DLC1: variants seen among roughly 807,000 people sequenced by gnomAD.
The protein encoded by DLC1 is DLC1 Rho GTPase activating protein.
A neutral mutation model predicts 140.3 loss-of-function variants in DLC1; 54 were observed. The observed-to-expected ratio is 0.38, with a 90% CI of 0.31 to 0.48. The LOEUF (loss-of-function observed/expected upper bound fraction) is 0.48. Ranked by LOEUF, DLC1 falls within the 20% of genes least tolerant of loss-of-function variation. The pLI is 0.96. For synonymous variants in DLC1, 986 were observed against 728.1 expected (o/e 1.35, Z -5.70); for missense variants, 2,536 against 1,907.0 (o/e 1.33, Z -6.14).
intron 1 of DLC1, among the ~76,000 whole-genome samples, chr8:13,548,545 A>G (rs1267469185): frequency 6.6e-6 from 1 of 152,038 alleles, no homozygotes; most frequent in Non-Finnish European, 1.5e-5. Flanking sequence ...CTATGGTTTG[A>G]ATGTCTGAAA....
chr8:13,288,345 A>C (rs181264352), intron 5 of DLC1, among the ~76,000 whole-genome samples: 93 of 152,340 alleles, frequency 6.1e-4, no homozygotes, highest in African/African-American at 1.9e-3. Flanking sequence ...CCTTGTAAAA[A>C]TTATAATCAC....
Position 13,085,846 on chromosome 8 carries a change from G to C in DLC1, c.4552C>G (p.Gln1518Glu), listed in dbSNP as rs1040580459. ...TTGGTGTCTTTGGTTTCAGTGTTCT[G>C]GTTACTGAAGGAATCCCGGATCTTT... ...VVKIRDSFSN[Q>E]NTETKDTKSR Residue 1518 changes from glutamine (Q) to glutamate (E), a missense_variant, in exon 18 of 18, where the codon CAG becomes GAG. Gln to Glu is a conservative substitution (Grantham distance 29, BLOSUM62 2). Transcript: ENST00000276297. 1.2e-5 allele frequency: 20 copies of C among 1,614,000 alleles called. No homozygotes were observed. The highest frequency in any genetic ancestry group is 1.7e-5 in the Non-Finnish European group (20 of 1,180,018).
At chr8:13,284,580 T>C (rs1831476677) in intron 5 of DLC1, among the ~76,000 whole-genome samples, 1 of 147,004 alleles carries the variant, frequency 6.8e-6, no homozygotes, top group Admixed American at 6.7e-5. Context: ...AGCCCTGAAA[T>C]TAAAAACCAA....
At chr8:13,554,646 C>T (rs571718257) in intron 1 of DLC1, among the ~76,000 whole-genome samples, 1 of 152,196 alleles carries the variant, frequency 6.6e-6, no homozygotes, top group East Asian at 1.9e-4. Flanking sequence ...ATCTTTCACC[C>T]TGAAACTTCA....
At chr8:13,187,570 T>C (rs1426352355) in intron 5 of DLC1, among the ~76,000 whole-genome samples, 3 of 152,114 alleles carry the variant, frequency 2.0e-5, no homozygotes, top group African/African-American at 7.2e-5. Flanking sequence ...CTATTGATGA[T>C]ATAGAGGAGA....
chr8:13,365,974 C>T (rs778957025), intron 4 of DLC1, among the ~76,000 whole-genome samples: 3 of 152,156 alleles, frequency 2.0e-5, no homozygotes, highest in African/African-American at 7.2e-5. Flanking sequence ...ATGTACCAGC[C>T]AGAAGGTTTA....
At chr8:13,473,356 C>T (rs894687170) in intron 2 of DLC1, among the ~76,000 whole-genome samples, 5 of 152,154 alleles carry the variant, frequency 3.3e-5, no homozygotes, top group Non-Finnish European at 5.9e-5. Context: ...GAATAAGTCT[C>T]ACGAGATCTG....
chr8:13,443,250 G>C (rs190103062), intron 2 of DLC1, among the ~76,000 whole-genome samples: 1 of 150,090 alleles, frequency 6.7e-6, no homozygotes. Context: ...ATATACCTAA[G>C]GTTAAATGAT....
At chr8:13,602,265 A>C (rs1357889806) in intron 1 of DLC1, among the ~76,000 whole-genome samples, 2 of 151,814 alleles carry the variant, frequency 1.3e-5, no homozygotes, top group Non-Finnish European at 2.9e-5. Flanking sequence ...GAACTTTTAG[A>C]CTAAAAGAAT....
intron 5 of DLC1, among the ~76,000 whole-genome samples, chr8:13,171,244 A>C (rs1825456633): frequency 6.6e-6 from 1 of 152,212 alleles, no homozygotes; most frequent in South Asian, 2.1e-4. Flanking sequence ...TGCAATTTTC[A>C]GGAATGTTAT....
intron 2 of DLC1, among the ~76,000 whole-genome samples, chr8:13,467,470 A>G (rs906018815): frequency 8.6e-6 from 1 of 115,988 alleles, no homozygotes. Flanking sequence ...TTTCTTTTTA[A>G]TGGATGTTGG....
Position 13,100,450 on chromosome 8 carries a change from G to A in DLC1, c.1887C>T (p.Asn629=), listed in dbSNP as rs372083625. 1.2e-5 allele frequency: 20 copies of A among 1,613,814 alleles called. No homozygotes were observed. Among genetic ancestry groups the A allele is most frequent in the Non-Finnish European group, 1.7e-5 (20 of 1,180,050 alleles). The change falls in exon 9 of 18, where the codon AAC becomes AAT. Residue 629 remains asparagine (N), a synonymous_variant. Transcript: ENST00000276297. ...CGAAAGAGTCGTCATTGCCTGCCAAGTTGCTGGAGGAGCAAACGCTGATGA... is the reference window on the plus strand; with the variant it reads ...CGAAAGAGTCGTCATTGCCTGCCAAATTGCTGGAGGAGCAAACGCTGATGA... ...NSVISVCSSS[N]LAGNDDSFGS...
intron 5 of DLC1, among the ~76,000 whole-genome samples, chr8:13,291,514 C>G (rs1009731550): frequency 6.6e-6 from 1 of 152,094 alleles, no homozygotes; most frequent in Non-Finnish European, 1.5e-5. Context: ...AAATGAAAAT[C>G]AAACCCTGTC....
At chr8:13,156,926 AT>A (rs1003614825) in intron 5 of DLC1, among the ~76,000 whole-genome samples, 45 of 151,706 alleles carry the variant, frequency 3.0e-4, no homozygotes, top group Admixed American at 1.6e-3. Flanking sequence ...TGCCTTTGTG[AT>A]TTTTTTTTCC....
chr8:13,296,572 A>G (rs1831964199), intron 5 of DLC1, among the ~76,000 whole-genome samples: 1 of 152,232 alleles, frequency 6.6e-6, no homozygotes, highest in South Asian at 2.1e-4. Flanking sequence ...CTGGACATGG[A>G]TAGACCTGAG....
intron 4 of DLC1, among the ~76,000 whole-genome samples, chr8:13,309,598 TTG>T (rs1832588644): frequency 6.6e-6 from 1 of 152,326 alleles, no homozygotes; most frequent in South Asian, 2.1e-4. Context: ...GCATGCCTGT[TTG>T]TGTTTTTGGA....
chr8:13,492,733 A>T (rs1006165164), intron 2 of DLC1, among the ~76,000 whole-genome samples: 6 of 152,160 alleles, frequency 3.9e-5, no homozygotes, highest in Non-Finnish European at 8.8e-5. Flanking sequence ...TTATTGATTG[A>T]TTTTACCAGA....
intron 5 of DLC1, among the ~76,000 whole-genome samples, chr8:13,282,893 A>T (rs1027769065): frequency 2.0e-5 from 3 of 152,218 alleles, no homozygotes; most frequent in African/African-American, 7.2e-5. Flanking sequence ...CCTTCTGAGG[A>T]AAAACCCAAA....
chr8:13,324,563 A>G (rs1833261761), intron 4 of DLC1, among the ~76,000 whole-genome samples: 1 of 78,514 alleles, frequency 1.3e-5, no homozygotes, highest in African/African-American at 5.0e-5. Flanking sequence ...AAAGAGCTAG[A>G]CTCCGTCTCA....
Sources: allele counts gnomAD v4.1 joint callset (sites outside exome capture counted in the v4.1 genomes callset), GRCh38; gene constraint gnomAD v4.1.1; transcripts MANE v1.5; gene names NCBI Gene and HGNC (gene_info 2026-07-23, HGNC 2026-07-21).